PRRC2B: variants seen among roughly 807,000 people sequenced by gnomAD.
PRRC2B encodes protein PRRC2B.
A neutral mutation model predicts 242.3 loss-of-function variants in PRRC2B; 68 were observed. That is an observed-to-expected ratio of 0.28 (90% CI 0.23 to 0.34). PRRC2B has a LOEUF of 0.34. Among genes scored for constraint, PRRC2B ranks in the 10% least tolerant of loss-of-function variants. The probability of loss-of-function intolerance (pLI) is 1.00; values close to 1 mark genes in which losing one functional copy is unlikely to be tolerated. For missense variants in PRRC2B, 2,835 were observed against 2,954.8 expected, an observed-to-expected ratio of 0.96 and a Z score of 0.94; for synonymous variants, 1,228 against 1,173.6, an observed-to-expected ratio of 1.05 and a Z score of -0.95.
At position 131,476,361 on chromosome 9, in the gene PRRC2B, G is replaced by T; in HGVS notation, c.4232G>T (p.Gly1411Val). Residue 1411 changes from glycine (G) to valine (V), a missense_variant, in exon 16 of 32, where the codon GGT becomes GTT. Physicochemically the swap from Gly to Val is moderately radical, Grantham distance 109 (BLOSUM62 -3). This residue lies in a region of PRRC2B where 1,536 missense variants were observed against 1,483.1 expected (regional missense o/e 1.04). Transcript: ENST00000683519. ...GGTGGCCTGTCGGGGGCTAGTTTGGGTGAGAAGAAGGAGCTGGCCAAGAGG... is the reference window on the plus strand; with the variant it reads ...GGTGGCCTGTCGGGGGCTAGTTTGGTTGAGAAGAAGGAGCTGGCCAAGAGG... ...VDGGLSGASL[G>V]EKKELAKRSF... The T allele has an allele frequency of 6.3e-7, 1 of 1,596,112 alleles. No individual in the cohort carries two copies. The highest frequency in any genetic ancestry group is 8.5e-7 in the Non-Finnish European group (1 of 1,171,318).
rs749540347 is a variant in PRRC2B, at chr9:131,477,763, C to G, written c.4426C>G (p.Pro1476Ala). The change falls in exon 17 of 32, where the codon CCT (proline) becomes GCT (alanine). Residue 1476 changes from proline to alanine, a missense_variant. By Grantham distance (27) the Pro-to-Ala change is conservative (BLOSUM62 -1). Transcript: ENST00000683519. ...TTACAGATCCCCAGACGAGGCCTTG[C>G]CTGGAGGTCTTAGTGGCTGCAGCAG... ...KVKRSPDEAL[P>A]GGLSGCSSGS... 1.9e-6 allele frequency: 3 copies of G among 1,607,438 alleles called. No individual in the cohort carries two copies. The highest frequency in any genetic ancestry group is 2.5e-6 in the Non-Finnish European group (3 of 1,176,714).
chr9:131,449,530 A>T (rs1372890499), intron 9 of PRRC2B, among the ~76,000 whole-genome samples: 4 of 152,164 alleles, frequency 2.6e-5, no homozygotes, highest in Non-Finnish European at 5.9e-5. Context: ...TTTGCTGATG[A>T]CTAATGATGA....
At chr9:131,374,908 C>A (rs1416739198) in intron 1 of PRRC2B, among the ~76,000 whole-genome samples, 1 of 152,044 alleles carries the variant, frequency 6.6e-6, no homozygotes. Flanking sequence ...AGCTTGCACC[C>A]TCCCCAGGGT....
chr9:131,407,759 C>T (rs1290006605), intron 1 of PRRC2B, among the ~76,000 whole-genome samples: 1 of 152,200 alleles, frequency 6.6e-6, no homozygotes, highest in African/African-American at 2.4e-5. Context: ...GCAGCAAACA[C>T]CCGAGGGCGT....
intron 11 of PRRC2B, among the ~76,000 whole-genome samples, chr9:131,459,878 G>A (rs1436290440): frequency 6.7e-6 from 1 of 149,824 alleles, no homozygotes; most frequent in African/African-American, 2.5e-5. Flanking sequence ...GCCAGGCATG[G>A]TGGCTCACAC....
chr9:131,447,644 C>T lies in PRRC2B; in HGVS notation c.978-18C>T. The stretch of plus-strand genomic sequence containing the variant: ...GTCTGTATACTGGACATGATTCCAT[C>T]ATCTTTTCTTTTATCAGAAAAGAAA... On this transcript the variant is annotated intron_variant, in intron 8 of 31. Coordinates refer to ENST00000683519, the MANE Select transcript of PRRC2B (RefSeq NM_013318.4). 5 of 1,572,190 alleles carry T rather than the reference C, an allele frequency of 3.2e-6. No individual in the cohort carries two copies. The highest frequency in any genetic ancestry group is 4.3e-6 in the Non-Finnish European group (5 of 1,155,192).
Position 131,477,805 on chromosome 9 carries a change from C to A in PRRC2B, c.4468C>A (p.Pro1490Thr). 1 of 1,612,682 alleles carries A rather than the reference C, an allele frequency of 6.2e-7. No individual in the cohort carries two copies. The change falls in exon 17 of 32, where the codon CCC (proline) becomes ACC (threonine). Residue 1490 changes from proline (P) to threonine (T), a missense_variant. Physicochemically the swap from Pro to Thr is conservative, Grantham distance 38. Transcript: ENST00000683519. ...CTGCAGCAGTGGGAGTGGCCACTCC[C>A]CCTATGCCCTGGAGCGGGCAGCCCA... ...SGCSSGSGHS[P>T]YALERAAHAS...
chr9:131,447,072 T>G lies in PRRC2B; in HGVS notation c.856-13T>G. ...ATTACCAGCAAATCCTGTTCATTGA[T>G]GTTATGTTTCAGATGTGTTCGCCGA... On this transcript the variant is annotated splice_polypyrimidine_tract_variant and intron_variant, in intron 7 of 31. Transcript: ENST00000683519. 6.2e-7 allele frequency: 1 copy of G among 1,613,970 alleles called. No individual in the cohort carries two copies.
intron 12 of PRRC2B, 94 bp downstream of exon 12, chr9:131,465,172 C>A: frequency 2.5e-6 from 3 of 1,219,226 alleles, no homozygotes; most frequent in Non-Finnish European, 2.3e-6. Context: ...GCTAGCAGAA[C>A]GTATGGCTTA....
chr9:131,379,136 T>A (rs1445288918), intron 1 of PRRC2B, among the ~76,000 whole-genome samples: 2 of 152,196 alleles, frequency 1.3e-5, no homozygotes, highest in Non-Finnish European at 2.9e-5. Context: ...GCCTTTCAGC[T>A]TCATCCATGT....
At chr9:131,444,658 C>G (rs1050892933) in intron 6 of PRRC2B, among the ~76,000 whole-genome samples, 2 of 152,210 alleles carry the variant, frequency 1.3e-5, no homozygotes, top group African/African-American at 4.8e-5. Context: ...AGCTTGTTTT[C>G]TAAAGCTCCC....
chr9:131,433,273 CT>C (rs2131329235), intron 3 of PRRC2B, among the ~76,000 whole-genome samples: 1 of 152,360 alleles, frequency 6.6e-6, no homozygotes, highest in South Asian at 2.1e-4. Flanking sequence ...GAGGAGACTT[CT>C]GCTGTTGCTC....
chr9:131,420,483 T>TTCTCTCTTTCTCTCTTTCTCTCTTTCTC (rs1491546513), intron 1 of PRRC2B, among the ~76,000 whole-genome samples: 1 of 16,684 alleles, frequency 6.0e-5, no homozygotes, highest in African/African-American at 1.4e-4. Flanking sequence ...CTTTCTTTCT[T>TTCTCTCTTTCTCTCTTTCTCTCTTTCTC]TCTTTCTTTC....
chr9:131,490,211 T>C (rs944499612), intron 28 of PRRC2B, among the ~76,000 whole-genome samples: 1 of 151,588 alleles, frequency 6.6e-6, no homozygotes, highest in Non-Finnish European at 1.5e-5. Flanking sequence ...ACATCCTCCT[T>C]GGCTCCCTGC....
chr9:131,415,439 G>A (rs1837622355), intron 1 of PRRC2B, among the ~76,000 whole-genome samples: 1 of 152,196 alleles, frequency 6.6e-6, no homozygotes, highest in African/African-American at 2.4e-5. Flanking sequence ...CTGGGGCTGG[G>A]GCTGGGTCAG....
intron 11 of PRRC2B, among the ~76,000 whole-genome samples, chr9:131,462,954 A>G (rs552215847): frequency 5.5e-4 from 82 of 149,216 alleles, no homozygotes; most frequent in African/African-American, 1.9e-3. Context: ...TTGACGGTGT[A>G]CATGTGCCCT....
chr9:131,423,213 G>A (rs1305462432), intron 1 of PRRC2B, among the ~76,000 whole-genome samples: 2 of 152,208 alleles, frequency 1.3e-5, no homozygotes, highest in South Asian at 2.1e-4. Context: ...GACTTGGTGC[G>A]TCTATGCCGG....
In PRRC2B at chr9:131,446,167, G is replaced by A. The variant is rs1469731112; in HGVS notation, c.614-234G>A. On this transcript the variant is annotated intron_variant, in intron 6 of 31. Transcript: ENST00000683519. This position sits in a 1 kb window ranked among gnomAD's most constrained non-coding sequence, Gnocchi z 4.1. ...CTTACTGATGAAGCCTTCTCTCTGA[G>A]TAGATCTCATTTTATATTTCACAGT... Among the ~76,000 whole-genome samples, 1 of 152,180 alleles carries A rather than the reference G, an allele frequency of 6.6e-6. No homozygotes were observed. Among genetic ancestry groups the A allele is most frequent in the Admixed American group, 6.5e-5 (1 of 15,274 alleles).
intron 1 of PRRC2B, among the ~76,000 whole-genome samples, chr9:131,387,081 C>G (rs518078): frequency 0.61 from 91,520 of 149,166 alleles, 30,741 homozygotes; most frequent in East Asian, 0.9. Flanking sequence ...GGCTCACCGC[C>G]ACCTCAGCCT....
Sources: allele counts gnomAD v4.1 joint callset (sites outside exome capture counted in the v4.1 genomes callset), GRCh38; gene constraint gnomAD v4.1.1; regional missense constraint gnomAD v4.1.1; non-coding constraint Gnocchi (gnomAD v3.1); transcripts MANE v1.5; gene names NCBI Gene and HGNC (gene_info 2026-07-23, HGNC 2026-07-21).